The following LASP1 variants were observed in gnomAD, a reference collection of about 807,000 sequenced individuals.
LASP1 encodes LIM and SH3 domain protein 1.
In LASP1, 10 loss-of-function variants were observed where a neutral mutation model predicts 38.6. The ratio of observed to expected loss-of-function variants is 0.26; its 90% CI spans 0.16 to 0.44. The LOEUF is 0.44. Ranked by LOEUF, LASP1 falls within the 20% of genes least tolerant of loss-of-function variation. The probability of loss-of-function intolerance (pLI) is 1.00; values close to 1 mark genes in which losing one functional copy is unlikely to be tolerated. For synonymous variants in LASP1, 132 were observed against 140.8 expected (o/e 0.94, Z 0.44); for missense variants, 243 against 375.7 (o/e 0.65, Z 2.92).
At chr17:38,890,949 C>T (rs567689078) in intron 3 of LASP1, among the ~76,000 whole-genome samples, 96 of 152,298 alleles carry the variant, frequency 6.3e-4, no homozygotes, top group Non-Finnish European at 1.2e-3. Flanking sequence ...GAAGGGGGCC[C>T]TGCCATGGGG....
At chr17:38,914,802 T>A (rs1915066052) in intron 5 of LASP1, among the ~76,000 whole-genome samples, 1 of 151,850 alleles carries the variant, frequency 6.6e-6, no homozygotes, top group Non-Finnish European at 1.5e-5. Flanking sequence ...AGCACCAGGG[T>A]CAGGCCTGTA....
intron 1 of LASP1, among the ~76,000 whole-genome samples, chr17:38,871,777 G>A (rs967637200): frequency 7.2e-5 from 11 of 152,128 alleles, no homozygotes; most frequent in Admixed American, 7.2e-4. Context: ...TCCTGGGCTT[G>A]ACTGGGCAGG....
rs966916107 is a variant in LASP1 at position 38,900,643 on chromosome 17, A to G, written c.357+2124A>G. ...AGTCGAGATCGGGCCACTGCACTCC[A>G]GCCTGGCGACAGAGCAAGACTCCAT... On this transcript the variant is annotated intron_variant, in intron 4 of 6. Transcript: ENST00000318008. 2.6e-5 allele frequency among the ~76,000 whole-genome samples: 4 copies of G among 152,284 alleles called. No individual in the cohort carries two copies. The South Asian group carries it at 8.3e-4, about 32-fold the overall frequency.
At chr17:38,898,552 C>A in intron 4 of LASP1, 33 bp downstream of exon 4, 1 of 1,475,326 alleles carries the variant, frequency 6.8e-7, no homozygotes, top group Non-Finnish European at 9.3e-7. Flanking sequence ...GGCATCCCTG[C>A]TGCCCTCTGT....
At chr17:38,912,673 G>T (rs1914990125) in intron 4 of LASP1, among the ~76,000 whole-genome samples, 1 of 152,162 alleles carries the variant, frequency 6.6e-6, no homozygotes, top group Non-Finnish European at 1.5e-5. Context: ...TGGAGAAGGT[G>T]CCATGGGGGA....
intron 4 of LASP1, among the ~76,000 whole-genome samples, chr17:38,910,443 GTTC>G (rs891245525): frequency 1.3e-5 from 2 of 151,896 alleles, no homozygotes; most frequent in Admixed American, 6.6e-5. Flanking sequence ...TCCTCTTTTG[GTTC>G]TTCTTCCCCC....
At chr17:38,916,641 C>T (rs1276877036) in intron 6 of LASP1, 1 of 151,812 alleles carries the variant, frequency 6.6e-6, no homozygotes, top group Non-Finnish European at 1.5e-5. Context: ...GTGGGCAGAT[C>T]ACCTGAGGTC....
At chr17:38,895,685 T>C (rs887785144) in intron 3 of LASP1, among the ~76,000 whole-genome samples, 4 of 152,224 alleles carry the variant, frequency 2.6e-5, no homozygotes, top group African/African-American at 7.2e-5. Flanking sequence ...TTCCCAATTA[T>C]GCTGCTTTGT....
intron 3 of LASP1, among the ~76,000 whole-genome samples, chr17:38,894,607 G>A (rs940763222): frequency 2.6e-5 from 4 of 152,188 alleles, no homozygotes; most frequent in South Asian, 2.1e-4. Flanking sequence ...CTGTTCTCCC[G>A]GAAAGGAGAG....
intron 4 of LASP1, among the ~76,000 whole-genome samples, chr17:38,913,621 G>A (rs1437310620): frequency 6.6e-6 from 1 of 152,184 alleles, no homozygotes; most frequent in Non-Finnish European, 1.5e-5. Flanking sequence ...CCCTGGCGCA[G>A]TAAGAGCTCA....
At chr17:38,912,690 G>A (rs576741869) in intron 4 of LASP1, among the ~76,000 whole-genome samples, 139 of 152,264 alleles carry the variant, frequency 9.1e-4, no homozygotes, top group African/African-American at 3.2e-3. Context: ...GGGATGGGAG[G>A]TGGAGGAAGC....
rs56008544 is a variant in LASP1 at position 38,900,197 on chromosome 17, CAAAAAAAA to C, written c.357+1696_357+1703del. Among the ~76,000 whole-genome samples the C allele has an allele frequency of 3.7e-4, 25 of 67,584 alleles. 1 individual carries two copies. The highest frequency in any genetic ancestry group is 1.6e-3 in the African/African-American group (24 of 14,772). The allele number at this position is 67,584 out of a possible 152,430, so 44.3% of individuals were successfully genotyped here. A position where few individuals can be genotyped will look rare whatever the true frequency, so the allele number is the denominator to read the frequency against. On this transcript the variant is annotated intron_variant, in intron 4 of 6. Coordinates refer to ENST00000318008, the MANE Select transcript of LASP1 (RefSeq NM_006148.4). ...GGGCAACATAGCAAAACTGTTTCTA[CAAAAAAAA>C]AAAAAAAAAAAAAAAAATACAAAAA...
chr17:38,886,527 T>C (rs1914143296), intron 2 of LASP1, among the ~76,000 whole-genome samples: 1 of 151,996 alleles, frequency 6.6e-6, no homozygotes, highest in Non-Finnish European at 1.5e-5. Flanking sequence ...CACCCCCACT[T>C]CCCTTCTGAT....
In LASP1 at chr17:38,920,784, G is replaced by A. The variant is rs564334272; in HGVS notation, c.*2006G>A. The A allele has an allele frequency of 8.2e-5, 19 of 233,094 alleles. No individual in the cohort carries two copies. The highest frequency in any genetic ancestry group is 3.3e-4 in the African/African-American group (15 of 45,408). 14.4% of individuals were successfully genotyped at this position (233,094 alleles called of 1,614,324 possible). A position where few individuals can be genotyped will look rare whatever the true frequency, so the allele number is the denominator to read the frequency against. On this transcript the variant is annotated 3_prime_UTR_variant, in exon 7 of 7. Coordinates refer to ENST00000318008, the MANE Select transcript of LASP1 (RefSeq NM_006148.4). ...TGGAATATCTTATATTGGGCGATTT[G>A]GGGGCTCGGGGAGGCAGAGAATCTC...
In LASP1 at chr17:38,896,323, G is replaced by C. The variant is rs372192534; in HGVS notation, c.250-2089G>C. On this transcript the variant is annotated intron_variant, in intron 3 of 6. Transcript: ENST00000318008. ...GAGATCAGCTAGCCAGCTCCCTTCA[G>C]GGGACCCAGAGAGGGGAACTGACTT... is the stretch of plus-strand genomic sequence containing the variant. 3.2e-4 allele frequency among the ~76,000 whole-genome samples: 48 copies of C among 152,320 alleles called. No homozygotes were observed. In the South Asian group the frequency reaches 7.0e-3, roughly 22 times the overall value.
intron 2 of LASP1, among the ~76,000 whole-genome samples, chr17:38,883,610 C>T (rs1331318037): frequency 2.0e-5 from 3 of 152,118 alleles, no homozygotes; most frequent in African/African-American, 7.2e-5. Flanking sequence ...TCCTTCAGGC[C>T]TCCTGGAGCC....
chr17:38,898,602 C>A (rs1053392231), intron 4 of LASP1, 83 bp downstream of exon 4: 1 of 1,066,354 alleles, frequency 9.4e-7, no homozygotes, highest in Middle Eastern at 2.0e-4. Flanking sequence ...GCAAGCCTGG[C>A]AGATGTGAAT....
intron 3 of LASP1, among the ~76,000 whole-genome samples, chr17:38,896,589 G>A (rs1399028657): frequency 6.6e-6 from 1 of 152,250 alleles, no homozygotes; most frequent in Non-Finnish European, 1.5e-5. Flanking sequence ...CCAGGAAGCA[G>A]GGGACGGAGT....
At chr17:38,893,486 G>A (rs1914399580) in intron 3 of LASP1, among the ~76,000 whole-genome samples, 1 of 152,196 alleles carries the variant, frequency 6.6e-6, no homozygotes, top group Non-Finnish European at 1.5e-5. Flanking sequence ...TGCCACATTA[G>A]GGTAGGGCTT....
Sources: allele counts gnomAD v4.1 joint callset (sites outside exome capture counted in the v4.1 genomes callset), GRCh38; gene constraint gnomAD v4.1.1; transcripts MANE v1.5; gene names NCBI Gene and HGNC (gene_info 2026-07-23, HGNC 2026-07-21).